The following BEND7 variants were observed in gnomAD, a reference collection of about 807,000 sequenced individuals.
BEND7 encodes BEN domain containing 7.
In BEND7, 28 loss-of-function variants were observed where a neutral mutation model predicts 50.9. The observed-to-expected ratio is 0.55, with a 90% CI of 0.41 to 0.75. The LOEUF (loss-of-function observed/expected upper bound fraction) is 0.75. BEND7 is among the 30% of genes least tolerant of loss of function. The pLI, the probability that BEND7 is intolerant of heterozygous loss-of-function variation, is 0.00. For synonymous variants in BEND7, 170 were observed against 183.9 expected (o/e 0.92, Z 0.61); for missense variants, 477 against 491.3 (o/e 0.97, Z 0.28).
rs182688844 is a variant in BEND7, at chr10:13,484,571, A to G, written c.838-3447T>C. 4.6e-5 allele frequency among the ~76,000 whole-genome samples: 7 copies of G among 152,364 alleles called. No homozygotes were observed. In the East Asian group the frequency reaches 1.2e-3, roughly 25 times the overall value. On this transcript the variant is annotated intron_variant, in intron 5 of 8. Transcript: ENST00000466271. Reference sequence around the variant, plus strand: ...CAGAAACCAACACTCTTCCAAATGAATATCATTTTGAAAACTAGACTTCTC... The same window carrying G: ...CAGAAACCAACACTCTTCCAAATGAGTATCATTTTGAAAACTAGACTTCTC...
At chr10:13,443,503 TAAAC>T (rs1835668303) in intron 8 of BEND7, 1 of 152,638 alleles carries the variant, frequency 6.6e-6, no homozygotes, top group African/African-American at 2.4e-5. Context: ...TCTGGACAAG[TAAAC>T]AATTTACTGG....
chr10:13,517,885 T>G (rs970324477), intron 2 of BEND7, among the ~76,000 whole-genome samples: 2 of 152,236 alleles, frequency 1.3e-5, no homozygotes, highest in African/African-American at 4.8e-5. Flanking sequence ...CTGCTACTGC[T>G]GAGGCACTGC....
chr10:13,448,972 CAA>C (rs35336154), intron 7 of BEND7, among the ~76,000 whole-genome samples: 11 of 56,652 alleles, frequency 1.9e-4, no homozygotes, highest in Admixed American at 1.8e-4. Context: ...GACTCCATCT[CAA>C]AAAAAAAAAA....
At chr10:13,524,920 T>C (rs2079345918) in intron 2 of BEND7, among the ~76,000 whole-genome samples, 1 of 152,144 alleles carries the variant, frequency 6.6e-6, no homozygotes, top group African/African-American at 2.4e-5. Flanking sequence ...TATATATTAA[T>C]ATTTGACTTC....
At chr10:13,453,946 G>A (rs897133958) in intron 6 of BEND7, among the ~76,000 whole-genome samples, 1 of 152,212 alleles carries the variant, frequency 6.6e-6, no homozygotes, top group Non-Finnish European at 1.5e-5. Flanking sequence ...GAGAAAAGCG[G>A]CTATATGTGA....
At chr10:13,518,069 G>A (rs1365951911) in intron 2 of BEND7, among the ~76,000 whole-genome samples, 2 of 152,226 alleles carry the variant, frequency 1.3e-5, no homozygotes, top group African/African-American at 4.8e-5. Context: ...TCACAGGGAG[G>A]CTGAATTGTC....
intron 5 of BEND7, among the ~76,000 whole-genome samples, chr10:13,492,078 A>G (rs773021723): frequency 3.9e-5 from 6 of 152,076 alleles, no homozygotes; most frequent in Non-Finnish European, 7.3e-5. Context: ...TGGCTGTGAT[A>G]TTAAAATAGA....
At chr10:13,477,589 C>T (rs773511830) in intron 6 of BEND7, among the ~76,000 whole-genome samples, 4 of 151,908 alleles carry the variant, frequency 2.6e-5, no homozygotes, top group Non-Finnish European at 4.4e-5. Context: ...CCACTTTTAA[C>T]GAAGGAAAAT....
intron 3 of BEND7, among the ~76,000 whole-genome samples, chr10:13,497,780 C>T (rs1229535303): frequency 6.6e-6 from 1 of 152,134 alleles, no homozygotes; most frequent in East Asian, 1.9e-4. Context: ...AGACTTCCAG[C>T]GCTCACATTG....
chr10:13,480,796 T>C lies in BEND7; in HGVS notation c.1063+103A>G. On this transcript the variant is annotated intron_variant, in intron 6 of 8. Transcript: ENST00000466271. ...GAATGGCTAAATTGGCAATGGCAAATGAAACTGGCCACTAGTCAGTTTACT... is the reference window on the plus strand; with the variant it reads ...GAATGGCTAAATTGGCAATGGCAAACGAAACTGGCCACTAGTCAGTTTACT... 9 of 1,537,176 alleles carry C rather than the reference T, an allele frequency of 5.9e-6. No individual in the cohort carries two copies. The South Asian group carries it at 6.5e-5, about 11-fold the overall frequency.
chr10:13,520,210 A>C (rs1589064554), intron 2 of BEND7, among the ~76,000 whole-genome samples: 1 of 152,308 alleles, frequency 6.6e-6, no homozygotes, highest in African/African-American at 2.4e-5. Context: ...ATACCTTCTC[A>C]GAGCTGGTCT....
intron 6 of BEND7, among the ~76,000 whole-genome samples, chr10:13,464,270 C>T (rs1362966064): frequency 6.6e-6 from 1 of 152,126 alleles, no homozygotes; most frequent in Non-Finnish European, 1.5e-5. Flanking sequence ...CTGTCTCTTA[C>T]GAGAAGCCTG....
intron 5 of BEND7, among the ~76,000 whole-genome samples, chr10:13,485,689 T>C (rs36022989): frequency 0.55 from 83,743 of 152,072 alleles, 23,865 homozygotes; most frequent in East Asian, 0.76. Context: ...GTATATTAGA[T>C]GTATTTTGAG....
At chr10:13,503,565 T>C (rs772027711) in intron 2 of BEND7, among the ~76,000 whole-genome samples, 1 of 152,088 alleles carries the variant, frequency 6.6e-6, no homozygotes, top group African/African-American at 2.4e-5. Flanking sequence ...ACACAAAAGT[T>C]AGCTGGGCGT....
intron 6 of BEND7, among the ~76,000 whole-genome samples, chr10:13,454,619 G>T (rs567664857): frequency 1.3e-5 from 2 of 151,796 alleles, no homozygotes. Context: ...GACTTTAAGC[G>T]ACTTGTACAA....
intron 6 of BEND7, among the ~76,000 whole-genome samples, chr10:13,473,512 T>C (rs888135865): frequency 1.3e-5 from 2 of 148,682 alleles, no homozygotes; most frequent in Non-Finnish European, 3.0e-5. Flanking sequence ...GACTTGGGGT[T>C]GATACTCATC....
intron 1 of BEND7, among the ~76,000 whole-genome samples, chr10:13,527,519 G>A (rs545230462): frequency 3.8e-4 from 58 of 152,296 alleles, no homozygotes; most frequent in South Asian, 4.1e-4. Flanking sequence ...TGATGCCAAT[G>A]CTAGAGAAAA....
intron 2 of BEND7, among the ~76,000 whole-genome samples, chr10:13,522,710 T>A (rs775226777): frequency 2.2e-4 from 34 of 152,210 alleles, no homozygotes; most frequent in Non-Finnish European, 3.2e-4. Flanking sequence ...ACTCTGCATT[T>A]GCTGTTGCCC....
In BEND7 at chr10:13,518,677, G is replaced by A. The variant is rs2078869745; in HGVS notation, c.145+7461C>T. ...GTGTCTTCTGGATTTGAAAAAAGAAGTTGTATCTCACAAATCAACATCAGA... is the reference window on the plus strand; with the variant it reads ...GTGTCTTCTGGATTTGAAAAAAGAAATTGTATCTCACAAATCAACATCAGA... On this transcript the variant is annotated intron_variant, in intron 2 of 8. Coordinates refer to ENST00000466271, the MANE Select transcript of BEND7 (RefSeq NM_001369863.1). Among the ~76,000 whole-genome samples the A allele has an allele frequency of 2.6e-5, 4 of 152,194 alleles. No homozygotes were observed. The South Asian group carries it at 8.3e-4, about 31-fold the overall frequency.
Sources: gnomAD v4.1 joint callset for allele counts (sites outside exome capture counted in the v4.1 genomes callset) on GRCh38, gnomAD v4.1.1 for gene constraint, MANE v1.5 for transcripts, NCBI Gene and HGNC (gene_info 2026-07-23, HGNC 2026-07-21) for gene names.